The following SPACA6 variants were observed in gnomAD, a reference collection of about 807,000 sequenced individuals.
SPACA6 encodes the protein sperm acrosome associated 6.
For synonymous variants in SPACA6, 6 were observed against 1.5 expected, an observed-to-expected ratio of 4.05 and a Z score of -2.21; for missense variants, 8 against 2.8, an observed-to-expected ratio of 2.88 and a Z score of -1.34.
chr19:51,709,846 GAATC>G (rs1254347914), downstream of SPACA6, among the ~76,000 whole-genome samples: 3 of 152,292 alleles, frequency 2.0e-5, no homozygotes. Context: ...CTTGAAGGTA[GAATC>G]AGTGGGATTT....
At chr19:51,688,930 A>AG (rs2083343580), upstream of SPACA6, among the ~76,000 whole-genome samples, 4 of 49,058 alleles carry the variant, frequency 8.2e-5, no homozygotes, top group Non-Finnish European at 1.2e-4. Context: ...AACGAGAGAG[A>AG]AGGGAGGGAG....
At chr19:51,694,115 AG>A in intron 1 of SPACA6, 1 of 263,800 alleles carries the variant, frequency 3.8e-6, no homozygotes, top group Non-Finnish European at 7.1e-6. Context: ...ACTCATAGAA[AG>A]GGGAGGATGG....
At chr19:51,701,782 C>G in intron 3 of SPACA6, 56 bp downstream of exon 3, 1 of 395,824 alleles carries the variant, frequency 2.5e-6, no homozygotes, top group Non-Finnish European at 4.5e-6. Context: ...ATTAGAAAAC[C>G]CCACTTTTGG....
chr19:51,703,160 G>A lies in SPACA6; in HGVS notation c.463+62G>A. 1 of 398,922 alleles carries A rather than the reference G, an allele frequency of 2.5e-6. No individual in the cohort carries two copies. The highest frequency in any genetic ancestry group is 4.4e-6 in the Non-Finnish European group (1 of 226,428). The allele number at this position is 398,922 out of a possible 1,614,324, so 24.7% of individuals were successfully genotyped here. On this transcript the variant is annotated intron_variant, in intron 5 of 8. Coordinates refer to ENST00000637797, the MANE Select transcript of SPACA6 (RefSeq NM_001316972.2). This position sits in a 1 kb window ranked among gnomAD's most constrained non-coding sequence, Gnocchi z 4.2. ...CTGAGAAAAGGGACCAGAGCACCGA[G>A]GGGCATAAGCTGGTGGCGAGGCCAG...
intron 2 of SPACA6, among the ~76,000 whole-genome samples, chr19:51,694,903 C>T (rs1317682402): frequency 6.6e-6 from 1 of 152,114 alleles, no homozygotes; most frequent in East Asian, 1.9e-4. Flanking sequence ...CTGGCCTCAA[C>T]TTACCCATCT....
rs1159709137 is a variant in SPACA6 at position 51,702,978 on chromosome 19, G to A, written c.386-43G>A. 7.5e-6 allele frequency: 3 copies of A among 399,090 alleles called. No homozygotes were observed. In the East Asian group the frequency reaches 1.1e-4, roughly 14 times the overall value. 24.7% of individuals were successfully genotyped at this position (399,090 alleles called of 1,614,324 possible). A position where few individuals can be genotyped will look rare whatever the true frequency, so the allele number is the denominator to read the frequency against. On this transcript the variant is annotated intron_variant, in intron 4 of 8. Transcript: ENST00000637797. The stretch of plus-strand genomic sequence containing the variant: ...CAAATGGGCCAAGGGCCCCGGGCTT[G>A]GAAGGGCAGGTGGCGCCTAGACCCA...
At chr19:51,684,166 A>G (rs2083318214), upstream of SPACA6, among the ~76,000 whole-genome samples, 1 of 152,144 alleles carries the variant, frequency 6.6e-6, no homozygotes, top group African/African-American at 2.4e-5. Flanking sequence ...GTGCTTGGAC[A>G]TTCTTGTCAG....
rs112367898 is a variant in SPACA6 at position 51,704,308 on chromosome 19, G to T, written c.769G>T (p.Ala257Ser). The T allele has an allele frequency of 2.8e-3, 1,123 of 400,838 alleles. 10 individuals are homozygous for T. Among genetic ancestry groups the T allele is most frequent in the African/African-American group, 0.021 (1,035 of 48,802 alleles). The allele number at this position is 400,838 out of a possible 1,614,324, so 24.8% of individuals were successfully genotyped here. ...CCCGCGGGCGGAGACAGAGTTGCAG[G>T]CCTCGTTCCGGGAAGTGCTGCGCTG... ...PPPRAETELQ[A>S]SFREVLRWAP... is the part of the protein sequence containing the mutation. The change falls in exon 8 of 9, where the codon GCC becomes TCC. Residue 257 changes from alanine to serine, a missense_variant. Physicochemically the swap from Ala to Ser is moderately conservative, Grantham distance 99 (BLOSUM62 1). Transcript: ENST00000637797.
chr19:51,706,778 G>T (rs776741296), downstream of SPACA6, among the ~76,000 whole-genome samples: 1 of 152,022 alleles, frequency 6.6e-6, no homozygotes, highest in Non-Finnish European at 1.5e-5. Flanking sequence ...TGCTGCCTCA[G>T]CCTCCCGAGT....
chr19:51,709,385 C>T (rs113684677), downstream of SPACA6, among the ~76,000 whole-genome samples: 9 of 151,852 alleles, frequency 5.9e-5, 1 homozygote, highest in African/African-American at 2.2e-4. Context: ...GGTGTGGTAA[C>T]AGGTGCCTAT....
chr19:51,688,438 G>C (rs2083338867), upstream of SPACA6: 1 of 152,370 alleles, frequency 6.6e-6, no homozygotes, highest in African/African-American at 2.4e-5. Flanking sequence ...GTCATACCCA[G>C]ATCACCCGGG....
intron 2 of SPACA6, among the ~76,000 whole-genome samples, chr19:51,697,497 G>C (rs1372301188): frequency 6.6e-6 from 1 of 152,154 alleles, no homozygotes; most frequent in African/African-American, 2.4e-5. Context: ...TCCTCTACCG[G>C]CCCTGTGAGG....
chr19:51,687,834 T>C (rs1337914110), upstream of SPACA6: 1 of 152,360 alleles, frequency 6.6e-6, no homozygotes, highest in Non-Finnish European at 1.5e-5. Context: ...TGGGCCAGAC[T>C]CAGGGAGTTG....
chr19:51,688,949 G>GGAGAGAGGGA (rs1555791946), upstream of SPACA6, among the ~76,000 whole-genome samples: 1 of 151,192 alleles, frequency 6.6e-6, no homozygotes, highest in Non-Finnish European at 1.5e-5. Context: ...AGGGAGAGAG[G>GGAGAGAGGGA]GAGAGAGAGA....
At chr19:51,690,956 T>A (rs540883319), upstream of SPACA6, among the ~76,000 whole-genome samples, 1 of 151,864 alleles carries the variant, frequency 6.6e-6, no homozygotes, top group African/African-American at 2.4e-5. Context: ...CCTCCCCACC[T>A]TGGCCTGACT....
downstream of SPACA6, among the ~76,000 whole-genome samples, chr19:51,706,059 T>C (rs1429413109): frequency 6.6e-6 from 1 of 152,084 alleles, no homozygotes; most frequent in East Asian, 1.9e-4. Flanking sequence ...CTTTAGTGAC[T>C]CCCTGTTGCC....
downstream of SPACA6, among the ~76,000 whole-genome samples, chr19:51,707,427 T>G (rs1300232644): frequency 6.6e-6 from 1 of 152,088 alleles, no homozygotes; most frequent in Non-Finnish European, 1.5e-5. Flanking sequence ...TTCAATATGT[T>G]GGCCAGGCTG....
intron 2 of SPACA6, among the ~76,000 whole-genome samples, chr19:51,699,292 G>T (rs1386693906): frequency 1.3e-5 from 2 of 152,094 alleles, no homozygotes; most frequent in Non-Finnish European, 2.9e-5. Flanking sequence ...TCCAGGTGCG[G>T]TACCACCTCC....
At chr19:51,691,519 AAG>A (rs1354820286), upstream of SPACA6, among the ~76,000 whole-genome samples, 8 of 150,224 alleles carry the variant, frequency 5.3e-5, no homozygotes, top group South Asian at 2.2e-4. Flanking sequence ...AAGCAGGAGA[AAG>A]AGGGGGAGAG....
Sources: allele counts gnomAD v4.1 joint callset (sites outside exome capture counted in the v4.1 genomes callset), GRCh38; gene constraint gnomAD v4.1.1; non-coding constraint Gnocchi (gnomAD v3.1); transcripts MANE v1.5; gene names NCBI Gene and HGNC (gene_info 2026-07-23, HGNC 2026-07-21).